NAA30: variants seen among roughly 807,000 people sequenced by gnomAD.
NAA30 encodes the protein N-alpha-acetyltransferase 30, NatC catalytic subunit.
Under a neutral mutation model 31.4 loss-of-function variants are expected in NAA30, and 5 were observed. That is an observed-to-expected ratio of 0.16 (90% CI 0.08 to 0.33). The LOEUF (loss-of-function observed/expected upper bound fraction) is 0.33. Ranked by LOEUF, NAA30 falls within the 10% of genes least tolerant of loss-of-function variation. The probability of loss-of-function intolerance (pLI) is 1.00; values close to 1 mark genes in which losing one functional copy is unlikely to be tolerated. For synonymous variants in NAA30, 222 were observed against 207.1 expected, an observed-to-expected ratio of 1.07 and a Z score of -0.62; for missense variants, 428 against 490.8, an observed-to-expected ratio of 0.87 and a Z score of 1.21.
chr14:57,407,611 G>A (rs555345015), intron 4 of NAA30, among the ~76,000 whole-genome samples: 1 of 152,316 alleles, frequency 6.6e-6, no homozygotes, highest in African/African-American at 2.4e-5. Context: ...AAAATTCAGT[G>A]TTGAGCATGG....
chr14:57,393,996 G>T (rs543053392), intron 2 of NAA30, among the ~76,000 whole-genome samples: 1 of 151,800 alleles, frequency 6.6e-6, no homozygotes, highest in African/African-American at 2.4e-5. Context: ...TCCGTTTTCC[G>T]TGGATAACCT....
At chr14:57,398,415 G>A (rs79494906) in intron 3 of NAA30, among the ~76,000 whole-genome samples, 2,995 of 152,160 alleles carry the variant, frequency 0.02, 81 homozygotes, top group African/African-American at 0.06. Context: ...CATAAAATGC[G>A]TGCATACTTG....
chr14:57,392,850 T>C (rs2066435801), intron 2 of NAA30, among the ~76,000 whole-genome samples: 1 of 152,246 alleles, frequency 6.6e-6, no homozygotes. Context: ...TTTGAAAATG[T>C]AACCTGGGTA....
At chr14:57,390,887 G>A (rs2066423565) in intron 1 of NAA30, 70 bp from the exon 2 acceptor site, 5 of 1,425,636 alleles carry the variant, frequency 3.5e-6, no homozygotes, top group Non-Finnish European at 4.6e-6. Context: ...CCCCCCATCC[G>A]TCGCCCCCTG....
intron 2 of NAA30, among the ~76,000 whole-genome samples, chr14:57,396,124 G>T (rs1287361608): frequency 6.6e-6 from 1 of 152,064 alleles, no homozygotes; most frequent in African/African-American, 2.4e-5. Flanking sequence ...ACAGGTGCAT[G>T]CCACCACACC....
intron 4 of NAA30, among the ~76,000 whole-genome samples, chr14:57,404,402 A>G (rs79426146): frequency 0.017 from 2,604 of 152,298 alleles, 82 homozygotes; most frequent in African/African-American, 0.06. Context: ...ATACAGTGGA[A>G]TTAGGATTTC....
At chr14:57,403,234 GAA>G (rs11406655) in intron 4 of NAA30, among the ~76,000 whole-genome samples, 5 of 136,488 alleles carry the variant, frequency 3.7e-5, no homozygotes, top group Admixed American at 7.3e-5. Flanking sequence ...TCCGTGGCCG[GAA>G]AAAAAAAAAA....
Position 57,390,987 on chromosome 14 carries a change from C to A in NAA30, c.30C>A (p.Ser10Arg), listed in dbSNP as rs1347193916. Residue 10 changes from serine to arginine, a missense_variant, in exon 2 of 5, where the codon AGC becomes AGA. By Grantham distance (110) the Ser-to-Arg change is moderately radical. This residue lies in a region of NAA30 where 349 missense variants were observed against 310.4 expected (regional missense o/e 1.12). Transcript: ENST00000556492. MAEVPPGPS[S>R]LLPPPAPPAP... ...CGGAGGTACCGCCTGGGCCTAGCAG[C>A]CTCCTCCCACCACCAGCACCTCCGG... is the stretch of plus-strand genomic sequence containing the variant. The A allele has an allele frequency of 6.7e-7, 1 of 1,493,682 alleles. No individual in the cohort carries two copies. The highest frequency in any genetic ancestry group is 8.9e-7 in the Non-Finnish European group (1 of 1,129,400). 92.5% of individuals were successfully genotyped at this position (1,493,682 alleles called of 1,614,324 possible).
At chr14:57,403,158 G>T (rs1162221408) in intron 4 of NAA30, among the ~76,000 whole-genome samples, 1 of 151,360 alleles carries the variant, frequency 6.6e-6, no homozygotes, top group Non-Finnish European at 1.5e-5. Flanking sequence ...TCCAGCCTGG[G>T]AGACAGAGTG....
At chr14:57,400,553 A>C (rs969966748) in intron 4 of NAA30, among the ~76,000 whole-genome samples, 2 of 152,250 alleles carry the variant, frequency 1.3e-5, no homozygotes, top group African/African-American at 4.8e-5. Context: ...AGCAGTGGTG[A>C]CTAAGGAGGA....
rs1469384998 is a variant in NAA30, at chr14:57,411,124, G to A, written c.*1608G>A. ...GTATAGTGTTTTGAAAGTGAACATA[G>A]TAACAAATACTTTAAAAATAAAGAT... On this transcript the variant is annotated 3_prime_UTR_variant, in exon 5 of 5. Coordinates refer to ENST00000556492, the MANE Select transcript of NAA30 (RefSeq NM_001011713.3). 2 of 150,108 alleles carry A rather than the reference G, an allele frequency of 1.3e-5. No individual in the cohort carries two copies. The highest frequency in any genetic ancestry group is 4.9e-5 in the African/African-American group (2 of 40,562). The allele number at this position is 150,108 out of a possible 1,614,324, so 9.3% of individuals were successfully genotyped here.
At chr14:57,398,099 T>A (rs945597204) in intron 3 of NAA30, among the ~76,000 whole-genome samples, 1 of 152,240 alleles carries the variant, frequency 6.6e-6, no homozygotes, top group African/African-American at 2.4e-5. Flanking sequence ...TCATGTTTTT[T>A]AAAAACTATT....
chr14:57,393,888 T>G (rs1243219441), intron 2 of NAA30, among the ~76,000 whole-genome samples: 2 of 152,126 alleles, frequency 1.3e-5, no homozygotes, highest in Non-Finnish European at 1.5e-5. Context: ...GACATACCCT[T>G]GATCCATTCA....
chr14:57,392,819 G>T (rs766665455), intron 2 of NAA30, among the ~76,000 whole-genome samples: 17 of 152,096 alleles, frequency 1.1e-4, no homozygotes, highest in Non-Finnish European at 1.3e-4. Context: ...TTATCTTTTT[G>T]ATTCTCTAGC....
intron 4 of NAA30, among the ~76,000 whole-genome samples, chr14:57,400,238 A>C (rs1265829652): frequency 6.6e-6 from 1 of 152,198 alleles, no homozygotes; most frequent in Non-Finnish European, 1.5e-5. Flanking sequence ...CTGTCAGTCT[A>C]TATGGAGGAC....
At position 57,390,604 on chromosome 14, in the gene NAA30, T is replaced by C. The variant is rs2066421588; in HGVS notation, c.-103T>C. ...GCGCTTTACGGCGACGGCGGCTGAGTGAGAACCTTGGCGGCTGTGGAGGCT... is the reference window on the plus strand; with the variant it reads ...GCGCTTTACGGCGACGGCGGCTGAGCGAGAACCTTGGCGGCTGTGGAGGCT... On this transcript the variant is annotated 5_prime_UTR_variant, in exon 1 of 5. Coordinates refer to ENST00000556492, the MANE Select transcript of NAA30 (RefSeq NM_001011713.3). 6.7e-6 allele frequency: 2 copies of C among 298,078 alleles called. No individual in the cohort carries two copies. Among genetic ancestry groups the C allele is most frequent in the Non-Finnish European group, 6.2e-6 (1 of 161,810 alleles). 18.5% of individuals were successfully genotyped at this position (298,078 alleles called of 1,614,324 possible).
At chr14:57,402,471 C>G (rs1594752089) in intron 4 of NAA30, among the ~76,000 whole-genome samples, 1 of 152,172 alleles carries the variant, frequency 6.6e-6, no homozygotes, top group East Asian at 1.9e-4. Flanking sequence ...TAATCCCTCT[C>G]TCTCTTGTTT....
Position 57,391,515 on chromosome 14 carries a change from G to T in NAA30, c.558G>T (p.Leu186=), listed in dbSNP as rs769405155. Residue 186 remains leucine, a synonymous_variant, in exon 2 of 5, where the codon CTG becomes CTT. Coordinates refer to ENST00000556492, the MANE Select transcript of NAA30 (RefSeq NM_001011713.3). The surrounding 1 kb of genome is among the most constrained non-coding windows in gnomAD (Gnocchi z 4.1). ...AGGAGGAAGACGAGCAGGTGCGGCT[G>T]CTGTCTTCGTCCCTGACCGCCGACT... ...EEEEEDEQVR[L]LSSSLTADCS... 1 of 1,613,490 alleles carries T rather than the reference G, an allele frequency of 6.2e-7. No individual in the cohort carries two copies. The highest frequency in any genetic ancestry group is 8.5e-7 in the Non-Finnish European group (1 of 1,179,902).
Position 57,415,632 on chromosome 14 carries a change from A to T in NAA30, c.*6116A>T, listed in dbSNP as rs759236249. On this transcript the variant is annotated 3_prime_UTR_variant, in exon 5 of 5. Coordinates refer to ENST00000556492, the MANE Select transcript of NAA30 (RefSeq NM_001011713.3). Reference sequence around the variant, plus strand: ...TGCATGAAACTTTTAAAAGTTTAAGATATAAAGTAATTGCTAAAATTTGTG... The same window carrying T: ...TGCATGAAACTTTTAAAAGTTTAAGTTATAAAGTAATTGCTAAAATTTGTG... 6.6e-6 allele frequency: 1 copy of T among 152,192 alleles called. No homozygotes were observed. The highest frequency in any genetic ancestry group is 2.4e-5 in the African/African-American group (1 of 41,446). The allele number at this position is 152,192 out of a possible 1,614,324, so 9.4% of individuals were successfully genotyped here. A position where few individuals can be genotyped will look rare whatever the true frequency, so the allele number is the denominator to read the frequency against.
Sources: allele counts gnomAD v4.1 joint callset (sites outside exome capture counted in the v4.1 genomes callset), GRCh38; gene constraint gnomAD v4.1.1; regional missense constraint gnomAD v4.1.1; non-coding constraint Gnocchi (gnomAD v3.1); transcripts MANE v1.5; gene names NCBI Gene and HGNC (gene_info 2026-07-23, HGNC 2026-07-21).